SMAD2: variants seen among roughly 807,000 people sequenced by gnomAD.
SMAD2 encodes SMAD family member 2, also known as MAD homolog 2.
In SMAD2, 8 loss-of-function variants were observed where a neutral mutation model predicts 64.4. The ratio of observed to expected loss-of-function variants is 0.12; its 90% confidence interval spans 0.07 to 0.22. SMAD2 has a LOEUF of 0.22. SMAD2 is among the 10% of genes least tolerant of loss of function. SMAD2 has a pLI of 1.00. For synonymous variants in SMAD2, 203 were observed against 195.8 expected, an observed-to-expected ratio of 1.04 and a Z score of -0.31; for missense variants, 289 against 561.2, an observed-to-expected ratio of 0.51 and a Z score of 4.90.
intron 2 of SMAD2, among the ~76,000 whole-genome samples, chr18:47,890,554 T>C (rs987370780): frequency 6.6e-6 from 1 of 152,218 alleles, no homozygotes; most frequent in East Asian, 1.9e-4. Flanking sequence ...TCATTTACAT[T>C]ATTTCAATGG....
At chr18:47,923,176 A>C (rs2144548380) in intron 1 of SMAD2, among the ~76,000 whole-genome samples, 1 of 148,604 alleles carries the variant, frequency 6.7e-6, no homozygotes, top group Admixed American at 6.6e-5. Flanking sequence ...TTCCCAGATT[A>C]TTAAAAAAAA....
intron 2 of SMAD2, among the ~76,000 whole-genome samples, chr18:47,886,570 C>G (rs889661818): frequency 6.8e-6 from 1 of 146,704 alleles, no homozygotes; most frequent in Non-Finnish European, 1.5e-5. Flanking sequence ...TATATCTATC[C>G]ATCTATCTAT....
chr18:47,919,421 T>C (rs1346487896), intron 1 of SMAD2, among the ~76,000 whole-genome samples: 1 of 144,068 alleles, frequency 6.9e-6, no homozygotes, highest in Non-Finnish European at 1.5e-5. Flanking sequence ...ATCACCCTAC[T>C]ACACTCCAAC....
chr18:47,886,561 A>ATCCATC, intron 2 of SMAD2, among the ~76,000 whole-genome samples: 1 of 135,216 alleles, frequency 7.4e-6, no homozygotes, highest in Middle Eastern at 3.6e-3. Flanking sequence ...AACTATATCT[A>ATCCATC]TATCTATCCA....
intron 7 of SMAD2, among the ~76,000 whole-genome samples, chr18:47,850,750 A>G (rs1204898364): frequency 4.5e-5 from 1 of 22,224 alleles, no homozygotes; most frequent in African/African-American, 1.6e-4. Context: ...TATATTATAT[A>G]TTATATATAT....
At chr18:47,900,089 A>G (rs1301372202) in intron 1 of SMAD2, among the ~76,000 whole-genome samples, 2 of 152,218 alleles carry the variant, frequency 1.3e-5, no homozygotes, top group Non-Finnish European at 2.9e-5. Context: ...AAAATGTAAT[A>G]TGAGCTACAT....
rs74325054 is a variant in SMAD2, at chr18:47,839,047, T to C, written c.*2780A>G. Reference sequence around the variant, plus strand: ...AAACAAAAAAAAAATCAGGCCACAGTAGATAAAATACAAAAAACATCATCT... The same window carrying C: ...AAACAAAAAAAAAATCAGGCCACAGCAGATAAAATACAAAAAACATCATCT... On this transcript the variant is annotated 3_prime_UTR_variant, in exon 11 of 11. Transcript: ENST00000262160. 7.1e-3 allele frequency: 1,641 copies of C among 232,604 alleles called. 28 individuals are homozygous for C. The highest frequency in any genetic ancestry group is 0.033 in the African/African-American group (1,508 of 45,234). The allele number at this position is 232,604 out of a possible 1,614,324, so 14.4% of individuals were successfully genotyped here.
intron 7 of SMAD2, among the ~76,000 whole-genome samples, chr18:47,849,933 G>A (rs1484267332): frequency 1.3e-5 from 2 of 151,652 alleles, no homozygotes; most frequent in Non-Finnish European, 2.9e-5. Context: ...CTTGAACCCA[G>A]GAGGCAGAGG....
At chr18:47,888,681 A>C (rs559426820) in intron 2 of SMAD2, among the ~76,000 whole-genome samples, 2 of 152,320 alleles carry the variant, frequency 1.3e-5, no homozygotes, top group Non-Finnish European at 2.9e-5. Context: ...GCTTCTCTCT[A>C]TCTACCTGGT....
At chr18:47,923,784 G>A (rs1255207635) in intron 1 of SMAD2, 2 of 152,188 alleles carry the variant, frequency 1.3e-5, no homozygotes, top group African/African-American at 4.8e-5. Flanking sequence ...TCTAGTTGCT[G>A]CTGTGTGTGC....
intron 1 of SMAD2, among the ~76,000 whole-genome samples, chr18:47,919,585 A>T: frequency 6.6e-6 from 1 of 152,080 alleles, no homozygotes; most frequent in East Asian, 1.9e-4. Context: ...GTGAGGGGGA[A>T]ATCTCAGAAT....
At chr18:47,894,862 C>T (rs2033364654) in intron 2 of SMAD2, among the ~76,000 whole-genome samples, 1 of 152,180 alleles carries the variant, frequency 6.6e-6, no homozygotes, top group South Asian at 2.1e-4. Context: ...AAGCACTACA[C>T]AATGAAGAAT....
rs1241270945 is a variant in SMAD2, at chr18:47,848,436, A to G, written c.997+39T>C. On this transcript the variant is annotated intron_variant, in intron 8 of 10. Coordinates refer to ENST00000262160, the MANE Select transcript of SMAD2 (RefSeq NM_005901.6). Reference sequence around the variant, plus strand: ...CATGCAATGCCTACATTATGAGTATACAGCATTTATTTTTCACAACAAGGA... The same window carrying G: ...CATGCAATGCCTACATTATGAGTATGCAGCATTTATTTTTCACAACAAGGA... The G allele has an allele frequency of 2.8e-6, 4 of 1,429,536 alleles. No individual in the cohort carries two copies. The Admixed American group carries it at 5.0e-5, about 18-fold the overall frequency. The allele number at this position is 1,429,536 out of a possible 1,614,324, so 88.6% of individuals were successfully genotyped here.
At chr18:47,842,157 C>T (rs1325555285) in intron 10 of SMAD2, among the ~76,000 whole-genome samples, 1 of 152,154 alleles carries the variant, frequency 6.6e-6, no homozygotes, top group Non-Finnish European at 1.5e-5. Flanking sequence ...ACAAGAACAT[C>T]TTTTTCTCAT....
chr18:47,907,161 G>T (rs7228619), intron 1 of SMAD2, among the ~76,000 whole-genome samples: 2,834 of 152,172 alleles, frequency 0.019, 100 homozygotes, highest in African/African-American at 0.065. Flanking sequence ...GTTAAACATA[G>T]ATCTACCCTG....
intron 1 of SMAD2, among the ~76,000 whole-genome samples, chr18:47,924,247 TCAA>T (rs2034674900): frequency 2.3e-5 from 1 of 44,252 alleles, no homozygotes; most frequent in Non-Finnish European, 4.4e-5. Context: ...AAACTCCGTC[TCAA>T]AAAAAAAAAA....
intron 10 of SMAD2, among the ~76,000 whole-genome samples, chr18:47,843,695 G>A (rs1440826121): frequency 6.6e-6 from 1 of 152,118 alleles, no homozygotes; most frequent in Admixed American, 6.5e-5. Flanking sequence ...AAATGTTACA[G>A]GAAACTACTT....
intron 6 of SMAD2, among the ~76,000 whole-genome samples, chr18:47,857,583 C>A (rs1004485261): frequency 2.6e-5 from 4 of 152,110 alleles, no homozygotes; most frequent in African/African-American, 9.7e-5. Flanking sequence ...AGTTATCACA[C>A]AGATATAGAT....
Position 47,821,310 on chromosome 18 carries a change from CTTAACT to C in SMAD2, c.*20511_*20516del, listed in dbSNP as rs1486351077. ...TTTTTGTTTGGCAGGGGTGATAACT[CTTAACT>C]TTTTCATTAGCTCCTGTAACTTTTT... On this transcript the variant is annotated 3_prime_UTR_variant, in exon 11 of 11. Transcript: ENST00000262160. 2 of 152,110 alleles carry C rather than the reference CTTAACT, an allele frequency of 1.3e-5. No individual in the cohort carries two copies. Among genetic ancestry groups the C allele is most frequent in the African/African-American group, 4.8e-5 (2 of 41,412 alleles). The allele number at this position is 152,110 out of a possible 1,614,324, so 9.4% of individuals were successfully genotyped here. A position where few individuals can be genotyped will look rare whatever the true frequency, so the allele number is the denominator to read the frequency against.
Sources: allele counts gnomAD v4.1 joint callset (sites outside exome capture counted in the v4.1 genomes callset), GRCh38; gene constraint gnomAD v4.1.1; transcripts MANE v1.5; gene names NCBI Gene and HGNC (gene_info 2026-07-23, HGNC 2026-07-21).